The following MCTP1 variants were observed in gnomAD, a reference collection of about 807,000 sequenced individuals.
MCTP1 encodes multiple C2 and transmembrane domain containing 1.
In MCTP1, 69 loss-of-function variants were observed where a neutral mutation model predicts 120.6. The observed-to-expected ratio is 0.57, with a 90% confidence interval of 0.47 to 0.70. The LOEUF is 0.70. MCTP1 is among the 30% of genes least tolerant of loss of function. The pLI is 0.00. For synonymous variants in MCTP1, 529 were observed against 493.1 expected, an observed-to-expected ratio of 1.07 and a Z score of -0.96; for missense variants, 1,203 against 1,248.8, an observed-to-expected ratio of 0.96 and a Z score of 0.55.
chr5:94,964,893 T>C (rs1435649754), intron 2 of MCTP1, among the ~76,000 whole-genome samples: 2 of 152,220 alleles, frequency 1.3e-5, no homozygotes, highest in African/African-American at 4.8e-5. Context: ...AACTGTTTTT[T>C]AGTTGTTTTG....
At position 94,987,064 on chromosome 5, in the gene MCTP1, C is replaced by T. The variant is rs569616727; in HGVS notation, c.838+30303G>A. Reference sequence around the variant, plus strand: ...TTTGTTACATTGTGTTTTTTATTTGCATTTTTTTATTGTATTGTTATTTAC... The same window carrying T: ...TTTGTTACATTGTGTTTTTTATTTGTATTTTTTTATTGTATTGTTATTTAC... On this transcript the variant is annotated intron_variant, in intron 2 of 22. Transcript: ENST00000515393. 5.9e-5 allele frequency among the ~76,000 whole-genome samples: 9 copies of T among 152,186 alleles called. 1 individual carries two copies. The highest frequency in any genetic ancestry group is 1.7e-4 in the African/African-American group (7 of 41,526).
intron 1 of MCTP1, among the ~76,000 whole-genome samples, chr5:95,209,611 T>A (rs1752085073): frequency 1.3e-5 from 2 of 152,162 alleles, no homozygotes; most frequent in Admixed American, 1.3e-4. Context: ...CTATTTGCCA[T>A]AAAACTGGAT....
chr5:95,208,587 A>T (rs1479104516), intron 1 of MCTP1, among the ~76,000 whole-genome samples: 1 of 152,106 alleles, frequency 6.6e-6, no homozygotes, highest in Non-Finnish European at 1.5e-5. Context: ...GGTTTAAATA[A>T]CATGAGCAGG....
chr5:95,065,643 A>G (rs1750458265), intron 1 of MCTP1, among the ~76,000 whole-genome samples: 1 of 152,212 alleles, frequency 6.6e-6, no homozygotes, highest in African/African-American at 2.4e-5. Context: ...AAATATTTGT[A>G]TTTTATGGTA....
chr5:95,229,646 C>CA (rs1325319865), intron 1 of MCTP1, among the ~76,000 whole-genome samples: 10 of 151,692 alleles, frequency 6.6e-5, no homozygotes. Context: ...GAGGCTGAGG[C>CA]AGGAGAATCG....
intron 1 of MCTP1, among the ~76,000 whole-genome samples, chr5:95,146,184 T>C (rs1760378050): frequency 6.6e-6 from 1 of 152,204 alleles, no homozygotes; most frequent in Non-Finnish European, 1.5e-5. Context: ...CACAGAGGTG[T>C]TCATAATAGT....
At chr5:95,269,134 G>A (rs1183183529) in intron 1 of MCTP1, among the ~76,000 whole-genome samples, 1 of 152,118 alleles carries the variant, frequency 6.6e-6, no homozygotes, top group Non-Finnish European at 1.5e-5. Flanking sequence ...ATGAAGTAAT[G>A]TCTGCAAATC....
chr5:94,714,977 C>T (rs1413975612), intron 19 of MCTP1, 91 bp from the exon 20 acceptor site: 4 of 750,520 alleles, frequency 5.3e-6, no homozygotes, highest in Non-Finnish European at 9.1e-6. Context: ...CATTTTTAAA[C>T]TTAAATAAAC....
At chr5:95,033,079 G>A (rs1223752219) in intron 1 of MCTP1, among the ~76,000 whole-genome samples, 3 of 151,810 alleles carry the variant, frequency 2.0e-5, no homozygotes, top group Admixed American at 6.6e-5. Flanking sequence ...AAAACAATGA[G>A]TAATGAAATA....
At chr5:94,889,632 T>G (rs1438339900) in intron 11 of MCTP1, among the ~76,000 whole-genome samples, 1 of 152,098 alleles carries the variant, frequency 6.6e-6, no homozygotes, top group Non-Finnish European at 1.5e-5. Flanking sequence ...CTTAAATTTA[T>G]AGTTTTATTT....
At chr5:94,717,840 A>T (rs956205533) in intron 19 of MCTP1, among the ~76,000 whole-genome samples, 3 of 152,200 alleles carry the variant, frequency 2.0e-5, no homozygotes, top group Non-Finnish European at 4.4e-5. Flanking sequence ...TTCAAGGAGA[A>T]CTACAAACCA....
At chr5:94,911,266 G>A (rs1808493299) in intron 9 of MCTP1, among the ~76,000 whole-genome samples, 1 of 152,200 alleles carries the variant, frequency 6.6e-6, no homozygotes, top group African/African-American at 2.4e-5. Flanking sequence ...GTCCTAAGCT[G>A]TCTATGAATA....
chr5:94,713,710 G>A (rs1242487211), intron 20 of MCTP1, among the ~76,000 whole-genome samples: 1 of 152,138 alleles, frequency 6.6e-6, no homozygotes, highest in African/African-American at 2.4e-5. Flanking sequence ...GGCACATCTC[G>A]GAGTGAGATG....
intron 2 of MCTP1, among the ~76,000 whole-genome samples, chr5:94,961,867 C>A (rs1344549028): frequency 6.6e-6 from 1 of 152,122 alleles, no homozygotes; most frequent in Non-Finnish European, 1.5e-5. Context: ...CTTGTCTATT[C>A]ACCTCCTTAG....
At chr5:94,811,626 G>A (rs931785406) in intron 17 of MCTP1, among the ~76,000 whole-genome samples, 1 of 152,216 alleles carries the variant, frequency 6.6e-6, no homozygotes, top group African/African-American at 2.4e-5. Context: ...CTTGGAGCAA[G>A]GGAAGCATGC....
intron 17 of MCTP1, among the ~76,000 whole-genome samples, chr5:94,855,931 C>T (rs967862721): frequency 6.6e-6 from 1 of 151,572 alleles, no homozygotes; most frequent in African/African-American, 2.4e-5. Flanking sequence ...AAAAAATTCA[C>T]ACACCTAAGA....
intron 14 of MCTP1, 48 bp from the exon 15 acceptor site, chr5:94,871,021 A>G (rs374746349): frequency 7.0e-7 from 1 of 1,437,304 alleles, no homozygotes; most frequent in Non-Finnish European, 9.8e-7. Flanking sequence ...TCTCTACTGA[A>G]TACACTCCCT....
At chr5:94,775,020 T>G (rs1316836177) in intron 19 of MCTP1, among the ~76,000 whole-genome samples, 2 of 152,150 alleles carry the variant, frequency 1.3e-5, no homozygotes, top group Non-Finnish European at 2.9e-5. Flanking sequence ...GGCTGGAGAA[T>G]CAAACCAGAA....
At chr5:95,042,137 T>G (rs1030970437) in intron 1 of MCTP1, among the ~76,000 whole-genome samples, 1 of 152,188 alleles carries the variant, frequency 6.6e-6, no homozygotes, top group Non-Finnish European at 1.5e-5. Context: ...TCCCCAGTTA[T>G]GTATAATTGG....
Sources: gnomAD v4.1 joint callset for allele counts (sites outside exome capture counted in the v4.1 genomes callset) on GRCh38, gnomAD v4.1.1 for gene constraint, MANE v1.5 for transcripts, NCBI Gene and HGNC (gene_info 2026-07-23, HGNC 2026-07-21) for gene names.